The following MBD2 variants were observed in gnomAD, a reference collection of about 807,000 sequenced individuals.
MBD2 encodes methyl-CpG-binding domain protein 2.
In MBD2, 9 loss-of-function variants were observed where a neutral mutation model predicts 39.3. That is an observed-to-expected ratio of 0.23 (90% CI 0.14 to 0.40). The LOEUF (loss-of-function observed/expected upper bound fraction) is 0.40. Ranked by LOEUF, MBD2 falls within the 10% of genes least tolerant of loss-of-function variation. The probability of loss-of-function intolerance (pLI) is 1.00; values close to 1 mark genes in which losing one functional copy is unlikely to be tolerated. For synonymous variants in MBD2, 233 were observed against 211.1 expected, an observed-to-expected ratio of 1.10 and a Z score of -0.90; for missense variants, 458 against 532.6, an observed-to-expected ratio of 0.86 and a Z score of 1.38.
rs1046547359 is a variant in MBD2 at position 54,171,638 on chromosome 18, A to G, written c.841-5472T>C. Among the ~76,000 whole-genome samples the G allele has an allele frequency of 3.9e-5, 6 of 152,346 alleles. 1 individual carries two copies. The highest frequency in any genetic ancestry group is 1.3e-4 in the Admixed American group (2 of 15,302). The stretch of plus-strand genomic sequence containing the variant: ...GTTAAATGAAGAAAGGGCTTACCCA[A>G]TGTTCTGTCTTACCCAGTGAAACTA... On this transcript the variant is annotated intron_variant, in intron 3 of 6. Transcript: ENST00000256429.
intron 1 of MBD2, among the ~76,000 whole-genome samples, chr18:54,206,484 A>G (rs2086450737): frequency 6.6e-6 from 1 of 152,228 alleles, no homozygotes; most frequent in Non-Finnish European, 1.5e-5. Context: ...AAGTGACCAC[A>G]ATAAAAGAAA....
At chr18:54,218,554 T>G (rs1334969813) in intron 1 of MBD2, among the ~76,000 whole-genome samples, 3 of 152,210 alleles carry the variant, frequency 2.0e-5, no homozygotes, top group Non-Finnish European at 2.9e-5. Context: ...ACCACCAGCT[T>G]CAGGTTGTAT....
intron 3 of MBD2, among the ~76,000 whole-genome samples, chr18:54,182,764 C>G (rs983684424): frequency 3.3e-5 from 5 of 152,254 alleles, no homozygotes; most frequent in Non-Finnish European, 7.4e-5. Context: ...GAAATCCCAT[C>G]TCTATGAAAA....
At chr18:54,209,007 A>G (rs1210742408) in intron 1 of MBD2, among the ~76,000 whole-genome samples, 4 of 152,068 alleles carry the variant, frequency 2.6e-5, no homozygotes, top group Non-Finnish European at 4.4e-5. Flanking sequence ...TAAAAATGAA[A>G]TGGGGGGCCA....
chr18:54,224,090 G>A lies in MBD2; in HGVS notation c.470C>T (p.Pro157Leu). The change falls in exon 1 of 7, where the codon CCC becomes CTC. Residue 157 changes from proline to leucine, a missense_variant. Around this residue, in one of 2 missense-constraint regions of MBD2, gnomAD observed 269 missense variants for 236.0 expected, o/e 1.14. Transcript: ENST00000256429. ...GKRMDCPALP[P>L]GWKKEEVIRK... ...GATCACTTCCTCCTTCTTCCATCCGGGGGGGAGGGCCGGGCAATCCATCCT... is the reference window on the plus strand; with the variant it reads ...GATCACTTCCTCCTTCTTCCATCCGAGGGGGAGGGCCGGGCAATCCATCCT... 3 of 1,596,912 alleles carry A rather than the reference G, an allele frequency of 1.9e-6. No homozygotes were observed. The highest frequency in any genetic ancestry group is 2.3e-5 in the East Asian group (1 of 43,326).
intron 3 of MBD2, among the ~76,000 whole-genome samples, chr18:54,184,095 T>C (rs1350214464): frequency 1.3e-5 from 2 of 152,024 alleles, no homozygotes; most frequent in African/African-American, 2.4e-5. Context: ...AAATTTAAAA[T>C]AAAATGCCCT....
intron 1 of MBD2, among the ~76,000 whole-genome samples, chr18:54,219,487 G>A (rs1042865257): frequency 6.6e-6 from 1 of 152,182 alleles, no homozygotes; most frequent in Non-Finnish European, 1.5e-5. Flanking sequence ...AAATGAATAT[G>A]AGAGTTATAC....
chr18:54,163,141 G>A (rs994643181), intron 5 of MBD2, among the ~76,000 whole-genome samples: 4 of 151,998 alleles, frequency 2.6e-5, no homozygotes, highest in South Asian at 4.1e-4. Context: ...GTATAGTGGC[G>A]CTCGCCTGTA....
chr18:54,216,289 G>A (rs530727568), intron 1 of MBD2, among the ~76,000 whole-genome samples: 2 of 152,316 alleles, frequency 1.3e-5, no homozygotes, highest in African/African-American at 4.8e-5. Flanking sequence ...TTGTATACCT[G>A]ATTTAGTGCA....
intron 6 of MBD2, among the ~76,000 whole-genome samples, chr18:54,155,615 G>C (rs2086046738): frequency 1.3e-5 from 2 of 152,196 alleles, no homozygotes; most frequent in Admixed American, 1.3e-4. Context: ...AGCATAAAAA[G>C]AGAATTCAAA....
intron 2 of MBD2, among the ~76,000 whole-genome samples, chr18:54,196,777 C>T (rs1027508201): frequency 2.6e-5 from 4 of 152,196 alleles, no homozygotes; most frequent in East Asian, 1.9e-4. Flanking sequence ...AGTTCTATCA[C>T]GCTTAGACAC....
intron 2 of MBD2, among the ~76,000 whole-genome samples, chr18:54,189,924 C>T (rs1158679008): frequency 6.6e-6 from 1 of 152,172 alleles, no homozygotes; most frequent in Non-Finnish European, 1.5e-5. Flanking sequence ...GCTGGGATTA[C>T]AGGTGTGAGC....
intron 1 of MBD2, among the ~76,000 whole-genome samples, chr18:54,213,024 C>A (rs1341399309): frequency 8.2e-6 from 1 of 121,736 alleles, no homozygotes; most frequent in Non-Finnish European, 1.6e-5. Flanking sequence ...AGAGCAAGAC[C>A]CTGTCTCAAA....
At chr18:54,186,653 T>C (rs1468212880) in intron 3 of MBD2, among the ~76,000 whole-genome samples, 1 of 152,154 alleles carries the variant, frequency 6.6e-6, no homozygotes, top group African/African-American at 2.4e-5. Context: ...ACCTCAATTC[T>C]TACATTGATG....
chr18:54,176,255 G>A (rs2086212227), intron 3 of MBD2, among the ~76,000 whole-genome samples: 1 of 152,234 alleles, frequency 6.6e-6, no homozygotes, highest in Non-Finnish European at 1.5e-5. Flanking sequence ...AAATAGATTT[G>A]CTTGGGCAAA....
At chr18:54,160,278 G>C (rs1372305447) in intron 5 of MBD2, among the ~76,000 whole-genome samples, 3 of 152,144 alleles carry the variant, frequency 2.0e-5, no homozygotes, top group African/African-American at 7.2e-5. Flanking sequence ...AATAACAAAG[G>C]AAAAGTGACT....
intron 3 of MBD2, among the ~76,000 whole-genome samples, chr18:54,173,995 G>A (rs1185751108): frequency 6.6e-6 from 1 of 152,142 alleles, no homozygotes; most frequent in South Asian, 2.1e-4. Context: ...AGAATAGAAG[G>A]TGGGAGAGAA....
chr18:54,187,705 T>C, intron 3 of MBD2: 1 of 985,910 alleles, frequency 1.0e-6, no homozygotes. Flanking sequence ...TTGGATGTGA[T>C]ACACTTACAT....
intron 3 of MBD2, among the ~76,000 whole-genome samples, chr18:54,185,120 A>C (rs2086276816): frequency 6.6e-6 from 1 of 152,226 alleles, no homozygotes; most frequent in African/African-American, 2.4e-5. Context: ...CAGTGACTTT[A>C]AACTGCACAT....
Sources: allele counts gnomAD v4.1 joint callset (sites outside exome capture counted in the v4.1 genomes callset), GRCh38; gene constraint gnomAD v4.1.1; regional missense constraint gnomAD v4.1.1; transcripts MANE v1.5; gene names NCBI Gene and HGNC (gene_info 2026-07-23, HGNC 2026-07-21).